MGAT4C: variants seen among roughly 807,000 people sequenced by gnomAD.
MGAT4C encodes alpha-1,3-mannosyl-glycoprotein 4-beta-N-acetylglucosaminyltransferase C.
A neutral mutation model predicts 40.1 loss-of-function variants in MGAT4C; 19 were observed. That is an observed-to-expected ratio of 0.47 (90% CI 0.33 to 0.70). MGAT4C has a LOEUF of 0.70. Ranked by LOEUF, MGAT4C falls within the 30% of genes least tolerant of loss-of-function variation. MGAT4C has a pLI of 0.02. For missense variants in MGAT4C, 491 were observed against 563.2 expected, an observed-to-expected ratio of 0.87 and a Z score of 1.30; for synonymous variants, 181 against 187.1, an observed-to-expected ratio of 0.97 and a Z score of 0.27.
At chr12:86,105,376 T>C (rs1875961222) in intron 1 of MGAT4C, among the ~76,000 whole-genome samples, 1 of 152,120 alleles carries the variant, frequency 6.6e-6, no homozygotes, top group African/African-American at 2.4e-5. Flanking sequence ...ATTAAGTATA[T>C]CATCTTATAG....
intron 2 of MGAT4C, among the ~76,000 whole-genome samples, chr12:86,635,500 T>G (rs996283424): frequency 2.0e-5 from 3 of 152,048 alleles, no homozygotes; most frequent in African/African-American, 7.2e-5. Context: ...ATGCTTCTCC[T>G]CAGTGTTTCA....
intron 1 of MGAT4C, among the ~76,000 whole-genome samples, chr12:86,788,297 G>T: frequency 6.7e-6 from 1 of 149,762 alleles, no homozygotes. Flanking sequence ...TTCATTATTA[G>T]GTTTTTTTTT....
chr12:86,349,830 TG>T (rs1172298577), intron 3 of MGAT4C, among the ~76,000 whole-genome samples: 4 of 152,124 alleles, frequency 2.6e-5, no homozygotes, highest in Admixed American at 2.6e-4. Flanking sequence ...AATTATCTGT[TG>T]CCAGTCAATA....
At chr12:86,187,750 C>CA (rs62814161) in intron 1 of MGAT4C, among the ~76,000 whole-genome samples, 3 of 148,070 alleles carry the variant, frequency 2.0e-5, no homozygotes, top group Non-Finnish European at 3.0e-5. Flanking sequence ...CTTCCAACTG[C>CA]AAAAAAAAAA....
chr12:86,707,629 C>G (rs1480350555), intron 2 of MGAT4C, among the ~76,000 whole-genome samples: 1 of 151,540 alleles, frequency 6.6e-6, no homozygotes, highest in Admixed American at 6.6e-5. Flanking sequence ...CTCCCAGATT[C>G]AAGTGATTCT....
intron 4 of MGAT4C, among the ~76,000 whole-genome samples, chr12:86,328,699 C>T (rs549123813): frequency 9.9e-5 from 15 of 152,060 alleles, no homozygotes; most frequent in South Asian, 4.2e-4. Flanking sequence ...TCTTCACAAA[C>T]GAGAAGACTC....
intron 2 of MGAT4C, among the ~76,000 whole-genome samples, chr12:86,494,314 A>G (rs567095567): frequency 1.3e-4 from 20 of 152,086 alleles, no homozygotes; most frequent in African/African-American, 4.3e-4. Flanking sequence ...CTAGCCCTCT[A>G]AAATTGTTCA....
At chr12:86,830,753 AAACTT>A (rs2136235765) in intron 1 of MGAT4C, among the ~76,000 whole-genome samples, 1 of 129,006 alleles carries the variant, frequency 7.8e-6, no homozygotes, top group South Asian at 2.5e-4. Context: ...ACAAACAAAC[AAACTT>A]GTCACAGGTA....
At chr12:86,822,669 A>G (rs1292854516) in intron 1 of MGAT4C, among the ~76,000 whole-genome samples, 1 of 151,242 alleles carries the variant, frequency 6.6e-6, no homozygotes, top group Non-Finnish European at 1.5e-5. Flanking sequence ...ACCCACCATC[A>G]TAGCACCTAA....
intron 4 of MGAT4C, among the ~76,000 whole-genome samples, chr12:86,319,877 AT>A (rs1045143463): frequency 6.6e-6 from 1 of 152,156 alleles, no homozygotes; most frequent in African/African-American, 2.4e-5. Flanking sequence ...AAATGATAAA[AT>A]TTTTTTAAAG....
intron 2 of MGAT4C, among the ~76,000 whole-genome samples, chr12:86,521,756 G>C (rs1464294440): frequency 6.6e-6 from 1 of 151,858 alleles, no homozygotes; most frequent in Non-Finnish European, 1.5e-5. Context: ...TTTCCCATTT[G>C]GTTGTCATTC....
chr12:86,039,834 A>G (rs753249118), intron 2 of MGAT4C, among the ~76,000 whole-genome samples: 10 of 152,172 alleles, frequency 6.6e-5, no homozygotes, highest in South Asian at 2.1e-4. Flanking sequence ...GCCTTTTTGC[A>G]TTGGTTTTTC....
At chr12:86,158,802 G>T (rs926183489) in intron 1 of MGAT4C, among the ~76,000 whole-genome samples, 1 of 152,104 alleles carries the variant, frequency 6.6e-6, no homozygotes, top group Middle Eastern at 3.2e-3. Context: ...TGTGGCTATT[G>T]TAAGTGGGAT....
At chr12:86,275,861 G>T (rs1350596322) in intron 4 of MGAT4C, among the ~76,000 whole-genome samples, 1 of 150,648 alleles carries the variant, frequency 6.6e-6, no homozygotes, top group Non-Finnish European at 1.5e-5. Flanking sequence ...CAGCACTTTG[G>T]GAGGCCGAGG....
intron 1 of MGAT4C, among the ~76,000 whole-genome samples, chr12:86,803,599 G>A (rs1305588356): frequency 6.7e-6 from 1 of 149,078 alleles, no homozygotes; most frequent in African/African-American, 2.4e-5. Context: ...TCAAAAAGTG[G>A]GCGAAGGACA....
chr12:86,668,002 T>A (rs778892618), intron 2 of MGAT4C, among the ~76,000 whole-genome samples: 5 of 152,242 alleles, frequency 3.3e-5, no homozygotes, highest in Non-Finnish European at 7.3e-5. Flanking sequence ...TATATTCTAA[T>A]TCAATTCTTT....
intron 3 of MGAT4C, among the ~76,000 whole-genome samples, chr12:86,434,135 T>C (rs907954908): frequency 2.0e-5 from 3 of 152,012 alleles, no homozygotes; most frequent in African/African-American, 7.2e-5. Flanking sequence ...ATACATTAAA[T>C]CATGGATGTA....
chr12:86,427,173 G>T (rs909173422), intron 3 of MGAT4C, among the ~76,000 whole-genome samples: 7 of 151,890 alleles, frequency 4.6e-5, no homozygotes, highest in Non-Finnish European at 8.8e-5. Context: ...CCCTAAGAGG[G>T]GCTGCCTTCT....
intron 2 of MGAT4C, among the ~76,000 whole-genome samples, chr12:86,489,335 A>C: frequency 6.6e-6 from 1 of 151,898 alleles, no homozygotes; most frequent in East Asian, 1.9e-4. Flanking sequence ...TACATTCATC[A>C]CCTTTCAGTT....
Sources: gnomAD v4.1 joint callset for allele counts (sites outside exome capture counted in the v4.1 genomes callset) on GRCh38, gnomAD v4.1.1 for gene constraint, MANE v1.5 for transcripts, NCBI Gene and HGNC (gene_info 2026-07-23, HGNC 2026-07-21) for gene names.